Variants in NRXN3 observed in about 807,000 individuals in gnomAD.
NRXN3 encodes neurexin 3.
A neutral mutation model predicts 137.6 loss-of-function variants in NRXN3; 32 were observed. That is an observed-to-expected ratio of 0.23 (90% CI 0.18 to 0.31). The LOEUF is 0.31. NRXN3 is among the 10% of genes least tolerant of loss of function. The pLI is 1.00. For synonymous variants in NRXN3, 798 were observed against 784.5 expected (o/e 1.02, Z -0.29); for missense variants, 1,574 against 2,062.5 (o/e 0.76, Z 4.59).
chr14:79,234,293 A>AATATACATATATATAT, intron 15 of NRXN3, among the ~76,000 whole-genome samples: 1 of 56,188 alleles, frequency 1.8e-5, no homozygotes, highest in East Asian at 7.0e-4. Flanking sequence ...TTCAATGGTA[A>AATATACATATATATAT]ATATATATAT....
At chr14:79,572,248 A>G (rs1006976868) in intron 16 of NRXN3, among the ~76,000 whole-genome samples, 1 of 152,162 alleles carries the variant, frequency 6.6e-6, no homozygotes, top group Non-Finnish European at 1.5e-5. Context: ...GCTTTGAGAC[A>G]ATCCTATTTA....
chr14:79,092,524 TTTAATAAATGGTGTA>T (rs1388794379), intron 15 of NRXN3, among the ~76,000 whole-genome samples: 2 of 152,144 alleles, frequency 1.3e-5, no homozygotes, highest in Non-Finnish European at 2.9e-5. Context: ...AAGTTTTAGT[TTTAATAAATGGTGTA>T]TACAGTCAAC....
intron 10 of NRXN3, among the ~76,000 whole-genome samples, chr14:78,952,131 G>T (rs17835890): frequency 4.6e-5 from 7 of 152,236 alleles, no homozygotes; most frequent in Non-Finnish European, 8.8e-5. Flanking sequence ...GTTGTAGGAG[G>T]TATGGCAGCT....
chr14:79,584,040 C>G (rs1484748000), intron 16 of NRXN3, among the ~76,000 whole-genome samples: 1 of 152,128 alleles, frequency 6.6e-6, no homozygotes, highest in Non-Finnish European at 1.5e-5. Context: ...CATAGACTTG[C>G]AATCAATTGC....
chr14:79,129,407 G>C (rs370652593), intron 15 of NRXN3, among the ~76,000 whole-genome samples: 5 of 150,820 alleles, frequency 3.3e-5, no homozygotes, highest in South Asian at 2.1e-4. Flanking sequence ...CAAAGAACAT[G>C]TTTATTTCTG....
intron 8 of NRXN3, among the ~76,000 whole-genome samples, chr14:78,771,010 C>T (rs2098725939): frequency 1.3e-5 from 2 of 152,208 alleles, no homozygotes; most frequent in Admixed American, 1.3e-4. Flanking sequence ...TAGCAGAAGT[C>T]TCCTGTGGTT....
intron 8 of NRXN3, among the ~76,000 whole-genome samples, chr14:78,803,155 G>C (rs369677465): frequency 3.3e-5 from 5 of 152,220 alleles, no homozygotes; most frequent in African/African-American, 4.8e-5. Context: ...TCCTTTAAAA[G>C]CTCTCTGGTA....
intron 4 of NRXN3, among the ~76,000 whole-genome samples, chr14:78,527,915 T>A (rs2096403935): frequency 6.6e-6 from 1 of 152,174 alleles, no homozygotes; most frequent in Non-Finnish European, 1.5e-5. Context: ...TAAAACTTTA[T>A]CAAGAAGAAT....
At chr14:79,502,817 C>T (rs778540743) in intron 16 of NRXN3, among the ~76,000 whole-genome samples, 4 of 151,904 alleles carry the variant, frequency 2.6e-5, no homozygotes, top group Non-Finnish European at 5.9e-5. Flanking sequence ...CCTTTCTTTG[C>T]TTGGCTTTTT....
chr14:79,754,981 C>G (rs1479936425), intron 19 of NRXN3, among the ~76,000 whole-genome samples: 5 of 152,072 alleles, frequency 3.3e-5, no homozygotes, highest in Admixed American at 6.6e-5. Flanking sequence ...TGAGGCCTTC[C>G]CAGCCATGCA....
In NRXN3 at chr14:78,243,695, C is replaced by G. The variant is rs1474923837; in HGVS notation, c.602C>G (p.Pro201Arg). 2 of 1,598,234 alleles carry G rather than the reference C, an allele frequency of 1.3e-6. No homozygotes were observed. The highest frequency in any genetic ancestry group is 2.7e-5 in the African/African-American group (2 of 74,900). ...SRGVQMDAEG[P>R]CGERPCENGG... ...GGTGTCCAGATGGATGCCGAGGGACCCTGTGGTGAGCGTCCCTGTGAAAAT... is the reference window on the plus strand; with the variant it reads ...GGTGTCCAGATGGATGCCGAGGGACGCTGTGGTGAGCGTCCCTGTGAAAAT... The change falls in exon 2 of 21, where the codon CCC becomes CGC. Residue 201 changes from proline (P) to arginine (R), a missense_variant. Physicochemically the swap from Pro to Arg is moderately radical, Grantham distance 103. Around this residue, in one of 5 missense-constraint regions of NRXN3, gnomAD observed 400 missense variants for 527.3 expected, o/e 0.76. Transcript: ENST00000335750. This position sits in a 1 kb window ranked among gnomAD's most constrained non-coding sequence, Gnocchi z 4.2.
intron 14 of NRXN3, among the ~76,000 whole-genome samples, chr14:78,985,941 G>T (rs528849814): frequency 1.3e-5 from 2 of 152,284 alleles, no homozygotes; most frequent in Admixed American, 1.3e-4. Flanking sequence ...CAGAAAGCCA[G>T]CAGCAGTACT....
intron 1 of NRXN3, among the ~76,000 whole-genome samples, chr14:78,185,430 C>A (rs1177522240): frequency 6.6e-6 from 1 of 152,140 alleles, no homozygotes; most frequent in East Asian, 1.9e-4. Flanking sequence ...CACAGGGGAT[C>A]AAAATTTCCA....
intron 19 of NRXN3, among the ~76,000 whole-genome samples, chr14:79,732,147 G>C (rs1036776340): frequency 1.3e-5 from 2 of 151,714 alleles, no homozygotes; most frequent in Non-Finnish European, 2.9e-5. Context: ...TTTTTTTTAA[G>C]AGACATGGAG....
At chr14:79,085,073 T>C (rs1006010513) in intron 15 of NRXN3, among the ~76,000 whole-genome samples, 1 of 152,182 alleles carries the variant, frequency 6.6e-6, no homozygotes, top group African/African-American at 2.4e-5. Context: ...TTGGGAAACC[T>C]GGTTTCCTCT....
At chr14:78,520,404 G>A (rs2096268932) in intron 4 of NRXN3, among the ~76,000 whole-genome samples, 2 of 152,040 alleles carry the variant, frequency 1.3e-5, no homozygotes, top group Admixed American at 1.3e-4. Context: ...AATTTCTTTA[G>A]CCTTTTAGCC....
At chr14:79,759,293 G>C (rs2099030358) in intron 19 of NRXN3, among the ~76,000 whole-genome samples, 2 of 148,716 alleles carry the variant, frequency 1.3e-5, no homozygotes, top group African/African-American at 5.2e-5. Flanking sequence ...AATAGCCAAA[G>C]AATACTTCAT....
chr14:79,567,335 C>T (rs1206009346), intron 16 of NRXN3, among the ~76,000 whole-genome samples: 1 of 151,666 alleles, frequency 6.6e-6, no homozygotes, highest in African/African-American at 2.4e-5. Flanking sequence ...TTATCTGTAC[C>T]GATCAAAACT....
At chr14:79,768,208 C>A (rs559386062) in intron 19 of NRXN3, among the ~76,000 whole-genome samples, 79 of 152,334 alleles carry the variant, frequency 5.2e-4, no homozygotes, top group African/African-American at 1.8e-3. Flanking sequence ...GGGCGCCTGC[C>A]ATTGCCCAGG....
Sources: allele counts gnomAD v4.1 joint callset (sites outside exome capture counted in the v4.1 genomes callset), GRCh38; gene constraint gnomAD v4.1.1; regional missense constraint gnomAD v4.1.1; non-coding constraint Gnocchi (gnomAD v3.1); transcripts MANE v1.5; gene names NCBI Gene and HGNC (gene_info 2026-07-23, HGNC 2026-07-21).